GRIK4: variants seen among roughly 807,000 people sequenced by gnomAD.
The protein encoded by GRIK4 is glutamate ionotropic receptor kainate type subunit 4.
GRIK4 carries 40 observed loss-of-function variants against 104.9 expected under a neutral mutation model. The observed-to-expected ratio is 0.38, with a 90% CI of 0.30 to 0.50. GRIK4 has a LOEUF of 0.50. Ranked by LOEUF, GRIK4 falls within the 20% of genes least tolerant of loss-of-function variation. The pLI is 0.93. For synonymous variants in GRIK4, 485 were observed against 524.9 expected (o/e 0.92, Z 1.04); for missense variants, 1,047 against 1,308.1 (o/e 0.80, Z 3.08).
intron 11 of GRIK4, among the ~76,000 whole-genome samples, chr11:120,887,976 GGTT>G (rs930291778): frequency 3.3e-5 from 5 of 152,112 alleles, no homozygotes; most frequent in Non-Finnish European, 5.9e-5. Context: ...ACCCAGAGGC[GGTT>G]GTGGTGGATG....
intron 1 of GRIK4, among the ~76,000 whole-genome samples, chr11:120,527,509 C>T (rs1947870186): frequency 2.0e-5 from 3 of 152,234 alleles, no homozygotes; most frequent in Non-Finnish European, 4.4e-5. Flanking sequence ...CTCCTGCCTT[C>T]CTGGAGCCCG....
chr11:120,807,763 A>T (rs1183020924), intron 4 of GRIK4, among the ~76,000 whole-genome samples: 1 of 152,220 alleles, frequency 6.6e-6, no homozygotes, highest in South Asian at 2.1e-4. Flanking sequence ...CATAGGCATG[A>T]TGTGGGCTCA....
At chr11:120,748,857 C>G (rs1344131070) in intron 3 of GRIK4, among the ~76,000 whole-genome samples, 1 of 152,174 alleles carries the variant, frequency 6.6e-6, no homozygotes, top group East Asian at 1.9e-4. Context: ...TCCATCTGCC[C>G]AAGACCGTTA....
Position 120,985,931 on chromosome 11 carries a change from G to A in GRIK4, c.2542G>A (p.Glu848Lys), listed in dbSNP as rs1460943054. Residue 848 changes from glutamate to lysine, a missense_variant, in exon 21 of 21, where the codon GAG becomes AAG. Around this residue, in one of 3 missense-constraint regions of GRIK4, gnomAD observed 440 missense variants for 652.3 expected, o/e 0.67. Transcript: ENST00000527524. ...GTCCGTCTGCCAGGAGATGGTGACC[G>A]AGCTGCGCAGCATTATCCTGTGTCA... is the stretch of plus-strand genomic sequence containing the variant. ...EVSVCQEMVT[E>K]LRSIILCQDS... is the part of the protein sequence containing the mutation. 3.9e-6 allele frequency: 6 copies of A among 1,551,062 alleles called. 1 individual carries two copies. The highest frequency in any genetic ancestry group is 2.4e-5 in the South Asian group (2 of 84,152).
intron 3 of GRIK4, among the ~76,000 whole-genome samples, chr11:120,664,637 T>C (rs1348188285): frequency 6.6e-6 from 1 of 152,236 alleles, no homozygotes; most frequent in Non-Finnish European, 1.5e-5. Context: ...GATGACCCCC[T>C]GGAAACATTT....
chr11:120,544,306 TA>T (rs1346530816), intron 1 of GRIK4, among the ~76,000 whole-genome samples: 2 of 152,226 alleles, frequency 1.3e-5, no homozygotes, highest in Admixed American at 1.3e-4. Flanking sequence ...AATCATACCT[TA>T]ACAAAGTGGT....
intron 17 of GRIK4, 68 bp downstream of exon 17, chr11:120,961,142 T>G (rs1442572860): frequency 1.4e-6 from 2 of 1,410,070 alleles, no homozygotes; most frequent in Non-Finnish European, 2.0e-6. Context: ...GTTTCTCTGC[T>G]GGAGATAAAA....
chr11:120,546,702 C>G (rs142711866), intron 1 of GRIK4, among the ~76,000 whole-genome samples: 13 of 152,244 alleles, frequency 8.5e-5, no homozygotes, highest in African/African-American at 3.1e-4. Flanking sequence ...GCTCAGCTCC[C>G]TCATTAGCCT....
intron 1 of GRIK4, among the ~76,000 whole-genome samples, chr11:120,611,228 G>A (rs909422547): frequency 2.6e-5 from 4 of 152,128 alleles, no homozygotes; most frequent in East Asian, 1.9e-4. Flanking sequence ...GTGGAATAGC[G>A]GATAGGATGT....
intron 3 of GRIK4, among the ~76,000 whole-genome samples, chr11:120,773,460 C>T (rs996907486): frequency 1.3e-5 from 2 of 152,150 alleles, no homozygotes; most frequent in African/African-American, 4.8e-5. Flanking sequence ...AACAGGAAAA[C>T]CACCAGGGAC....
At chr11:120,981,766 GTC>G (rs1340575509) in intron 19 of GRIK4, among the ~76,000 whole-genome samples, 1 of 152,124 alleles carries the variant, frequency 6.6e-6, no homozygotes, top group African/African-American at 2.4e-5. Flanking sequence ...TTGGTGTCAT[GTC>G]TCTCTCTATA....
chr11:120,980,080 C>G (rs1472658958), intron 19 of GRIK4, among the ~76,000 whole-genome samples: 2 of 152,178 alleles, frequency 1.3e-5, no homozygotes, highest in African/African-American at 4.8e-5. Context: ...AAGTGATCTG[C>G]CTGCCTTGGC....
chr11:120,595,774 GCC>G (rs1948792822), intron 1 of GRIK4, among the ~76,000 whole-genome samples: 1 of 152,174 alleles, frequency 6.6e-6, no homozygotes, highest in African/African-American at 2.4e-5. Context: ...CTGACCATGT[GCC>G]CTGGGGACAC....
chr11:120,745,904 A>G (rs1951430486), intron 3 of GRIK4, among the ~76,000 whole-genome samples: 1 of 152,150 alleles, frequency 6.6e-6, no homozygotes, highest in African/African-American at 2.4e-5. Context: ...AGCTAGTGAT[A>G]ATAGCAGCTA....
intron 15 of GRIK4, among the ~76,000 whole-genome samples, chr11:120,954,782 T>TACACACACACACACAC (rs768646075): frequency 9.3e-6 from 1 of 107,898 alleles, no homozygotes; most frequent in South Asian, 3.4e-4. Context: ...TCTCTCTCAC[T>TACACACACACACACAC]ACACACACAC....
chr11:120,602,710 T>C (rs1388868875), intron 1 of GRIK4, among the ~76,000 whole-genome samples: 1 of 152,192 alleles, frequency 6.6e-6, no homozygotes, highest in Non-Finnish European at 1.5e-5. Flanking sequence ...ATCTTCTTCT[T>C]ATTAGCATTT....
chr11:120,647,414 G>T (rs977275114), intron 1 of GRIK4, among the ~76,000 whole-genome samples: 1 of 152,148 alleles, frequency 6.6e-6, no homozygotes, highest in Admixed American at 6.6e-5. Context: ...GCCCTCCCTT[G>T]CCCAGAAACT....
chr11:120,674,163 A>G (rs1296686033), intron 3 of GRIK4, among the ~76,000 whole-genome samples: 5 of 152,132 alleles, frequency 3.3e-5, no homozygotes, highest in South Asian at 2.1e-4. Context: ...CAATTCATCA[A>G]CCTGGTCACC....
intron 1 of GRIK4, among the ~76,000 whole-genome samples, chr11:120,544,413 C>T (rs1948065650): frequency 1.3e-5 from 2 of 152,132 alleles, no homozygotes; most frequent in Non-Finnish European, 2.9e-5. Context: ...TCACTGCATC[C>T]TCTGCCTCCA....
Sources: allele counts gnomAD v4.1 joint callset (sites outside exome capture counted in the v4.1 genomes callset), GRCh38; gene constraint gnomAD v4.1.1; regional missense constraint gnomAD v4.1.1; transcripts MANE v1.5; gene names NCBI Gene and HGNC (gene_info 2026-07-23, HGNC 2026-07-21).